KCNIP4: variants seen among roughly 807,000 people sequenced by gnomAD.
The protein encoded by KCNIP4 is potassium voltage-gated channel interacting protein 4.
KCNIP4 carries 12 observed loss-of-function variants against 34.0 expected under a neutral mutation model. The ratio of observed to expected loss-of-function variants is 0.35; its 90% CI spans 0.23 to 0.57. The LOEUF (loss-of-function observed/expected upper bound fraction) is 0.57. Among genes scored for constraint, KCNIP4 ranks in the 20% least tolerant of loss-of-function variants. The pLI is 0.83. For synonymous variants in KCNIP4, 124 were observed against 102.2 expected (o/e 1.21, Z -1.29); for missense variants, 238 against 311.7 (o/e 0.76, Z 1.78).
intron 1 of KCNIP4, among the ~76,000 whole-genome samples, chr4:21,790,052 A>C (rs1720174578): frequency 6.6e-6 from 1 of 152,224 alleles, no homozygotes; most frequent in Non-Finnish European, 1.5e-5. Context: ...CTGCCTCAGC[A>C]TGTCATTTAA....
intron 1 of KCNIP4, among the ~76,000 whole-genome samples, chr4:20,970,176 C>T (rs193162382): frequency 5.3e-5 from 8 of 152,142 alleles, no homozygotes; most frequent in African/African-American, 1.9e-4. Context: ...CTCCTGACCT[C>T]GTGATCCACC....
intron 1 of KCNIP4, among the ~76,000 whole-genome samples, chr4:20,967,655 A>G (rs1734501452): frequency 6.6e-6 from 1 of 152,194 alleles, no homozygotes; most frequent in African/African-American, 2.4e-5. Flanking sequence ...TCTTTGACAA[A>G]CCTGACAGAA....
At chr4:21,120,826 T>G (rs1280935925) in intron 1 of KCNIP4, among the ~76,000 whole-genome samples, 1 of 152,150 alleles carries the variant, frequency 6.6e-6, no homozygotes, top group Admixed American at 6.5e-5. Context: ...ACACCGGTCT[T>G]ACTAAATTAA....
intron 1 of KCNIP4, among the ~76,000 whole-genome samples, chr4:21,930,388 T>C (rs1729497934): frequency 6.6e-6 from 1 of 152,162 alleles, no homozygotes; most frequent in Non-Finnish European, 1.5e-5. Flanking sequence ...CCATGACTTC[T>C]ATGGAACTGC....
chr4:21,767,262 G>A (rs778840752), intron 1 of KCNIP4, among the ~76,000 whole-genome samples: 8 of 152,082 alleles, frequency 5.3e-5, no homozygotes, highest in Non-Finnish European at 1.2e-4. Context: ...AGCTTGAAAT[G>A]CCTTGTTGAG....
intron 1 of KCNIP4, among the ~76,000 whole-genome samples, chr4:21,716,436 C>T (rs1714385633): frequency 6.6e-6 from 1 of 151,860 alleles, no homozygotes; most frequent in African/African-American, 2.4e-5. Flanking sequence ...CAGGGTTTCG[C>T]AGTGTTGGCC....
chr4:20,738,238 AGATT>A (rs1321463970), intron 5 of KCNIP4, among the ~76,000 whole-genome samples: 4 of 152,202 alleles, frequency 2.6e-5, no homozygotes, highest in Non-Finnish European at 4.4e-5. Flanking sequence ...AGGCTAGATG[AGATT>A]GATTGTTATC....
At chr4:21,169,660 T>TTGCGTGTGTGTGTGTGTGTGTG (rs769666168) in intron 1 of KCNIP4, among the ~76,000 whole-genome samples, 1 of 136,208 alleles carries the variant, frequency 7.3e-6, no homozygotes, top group Non-Finnish European at 1.6e-5. Flanking sequence ...TACTTTATAT[T>TTGCGTGTGTGTGTGTGTGTGTG]TGTGTGTGTG....
chr4:21,577,888 C>A (rs1382028511), intron 1 of KCNIP4, among the ~76,000 whole-genome samples: 1 of 152,144 alleles, frequency 6.6e-6, no homozygotes, highest in Non-Finnish European at 1.5e-5. Flanking sequence ...TGCTCTCCAT[C>A]ATTTACTAGT....
At chr4:21,473,307 A>C (rs920075130) in intron 1 of KCNIP4, among the ~76,000 whole-genome samples, 1 of 152,138 alleles carries the variant, frequency 6.6e-6, no homozygotes. Flanking sequence ...AATCCTTTAA[A>C]CTGTCAAATT....
chr4:20,800,705 T>C (rs1357837532), intron 3 of KCNIP4, among the ~76,000 whole-genome samples: 2 of 152,140 alleles, frequency 1.3e-5, no homozygotes, highest in East Asian at 1.9e-4. Context: ...AACTTGAAGA[T>C]AGGTCATTTG....
intron 1 of KCNIP4, among the ~76,000 whole-genome samples, chr4:20,996,079 C>A (rs1450274911): frequency 6.6e-6 from 1 of 152,178 alleles, no homozygotes; most frequent in Non-Finnish European, 1.5e-5. Context: ...ATTAACAACA[C>A]TTATGTCTGC....
chr4:21,720,503 T>G (rs988034482), intron 1 of KCNIP4, among the ~76,000 whole-genome samples: 2 of 146,378 alleles, frequency 1.4e-5, no homozygotes, highest in Non-Finnish European at 3.0e-5. Flanking sequence ...GGAGCTGTTG[T>G]TTTTTTTCCC....
At chr4:21,047,329 G>C (rs1363863525) in intron 1 of KCNIP4, among the ~76,000 whole-genome samples, 4 of 152,118 alleles carry the variant, frequency 2.6e-5, no homozygotes, top group Non-Finnish European at 5.9e-5. Flanking sequence ...ACCATATAAT[G>C]ATTGGTATAG....
intron 1 of KCNIP4, among the ~76,000 whole-genome samples, chr4:21,357,869 T>C (rs1207018277): frequency 2.6e-5 from 4 of 152,100 alleles, no homozygotes; most frequent in Non-Finnish European, 5.9e-5. Context: ...CACATGCACA[T>C]GTATGTTTAT....
intron 1 of KCNIP4, among the ~76,000 whole-genome samples, chr4:20,951,553 G>A (rs1439411292): frequency 6.6e-6 from 1 of 152,060 alleles, no homozygotes; most frequent in Non-Finnish European, 1.5e-5. Flanking sequence ...CTTAATAAAA[G>A]ACTAAATGCT....
chr4:21,621,036 C>T (rs1744964485), intron 1 of KCNIP4, among the ~76,000 whole-genome samples: 3 of 152,152 alleles, frequency 2.0e-5, no homozygotes, highest in Admixed American at 2.0e-4. Flanking sequence ...CGTACAGAAA[C>T]TCTTATTAAA....
At chr4:21,075,566 A>G (rs1348285719) in intron 1 of KCNIP4, among the ~76,000 whole-genome samples, 1 of 152,198 alleles carries the variant, frequency 6.6e-6, no homozygotes, top group Non-Finnish European at 1.5e-5. Context: ...TGAATATAGC[A>G]CACTGATGAG....
chr4:20,829,487 G>A (rs1219450369), intron 3 of KCNIP4, among the ~76,000 whole-genome samples: 6 of 152,096 alleles, frequency 3.9e-5, no homozygotes, highest in African/African-American at 7.2e-5. Flanking sequence ...GATTACAGGC[G>A]TGAGCCACCG....
Sources: allele counts gnomAD v4.1 joint callset (sites outside exome capture counted in the v4.1 genomes callset), GRCh38; gene constraint gnomAD v4.1.1; transcripts MANE v1.5; gene names NCBI Gene and HGNC (gene_info 2026-07-23, HGNC 2026-07-21).